Variants in ITSN1 observed in about 807,000 individuals in gnomAD.
ITSN1 encodes intersectin 1.
Under a neutral mutation model 239.8 loss-of-function variants are expected in ITSN1, and 58 were observed. The ratio of observed to expected loss-of-function variants is 0.24; its 90% CI spans 0.20 to 0.30. The LOEUF (loss-of-function observed/expected upper bound fraction) is 0.30, where lower values mean the gene tolerates loss of function less well. ITSN1 is among the 10% of genes least tolerant of loss of function. The pLI, the probability that ITSN1 is intolerant of heterozygous loss-of-function variation, is 1.00. For missense variants in ITSN1, 1,558 were observed against 2,103.3 expected (o/e 0.74, Z 5.07); for synonymous variants, 780 against 770.8 (o/e 1.01, Z -0.20).
In ITSN1 at chr21:33,818,468, A is replaced by G. The variant is rs539887450; in HGVS notation, c.2929A>G (p.Thr977Ala). ...KLISGPIRKS[T>A]SMDSGSSESP... The stretch of plus-strand genomic sequence containing the variant: ...CATTTCAGGGCCCATAAGGAAGTCT[A>G]CAAGGTATTTTTGTATTTATCTGCT... Residue 977 changes from threonine to alanine, a missense_variant, in exon 23 of 40, where the codon ACA becomes GCA. By Grantham distance (58) the Thr-to-Ala change is moderately conservative (BLOSUM62 0). Around this residue, in one of 2 missense-constraint regions of ITSN1, gnomAD observed 982 missense variants for 1,209.9 expected, o/e 0.81. Coordinates refer to ENST00000381318, the MANE Select transcript of ITSN1 (RefSeq NM_003024.3). 2.5e-6 allele frequency: 4 copies of G among 1,613,150 alleles called. No homozygotes were observed. In the South Asian group the frequency reaches 3.3e-5, roughly 13 times the overall value.
intron 25 of ITSN1, 98 bp from the exon 26 acceptor site, chr21:33,826,720 C>A: frequency 9.7e-7 from 1 of 1,032,804 alleles, no homozygotes; most frequent in Non-Finnish European, 1.5e-6. Flanking sequence ...AAAAGTGGGG[C>A]TTTGGGGCTC....
rs538356124 is a variant in ITSN1, at chr21:33,811,229, G to A, written c.2567+7G>A. The A allele has an allele frequency of 3.6e-5, 57 of 1,561,712 alleles. No individual in the cohort carries two copies. The African/African-American group carries it at 6.9e-4, about 19-fold the overall frequency. On this transcript the variant is annotated splice_region_variant and intron_variant, in intron 21 of 39. Transcript: ENST00000381318. ...GGGCCGACTTCAGCTCCACGTACGT[G>A]TTGGTGGGCTCTTTCTGATGATTTT...
intron 20 of ITSN1, 157 bp from the exon 21 acceptor site, chr21:33,810,818 T>C (rs1434113553): frequency 4.5e-6 from 4 of 883,010 alleles, no homozygotes; most frequent in Non-Finnish European, 7.7e-6. Context: ...GCATTACTGC[T>C]TAGACTCTTT....
At chr21:33,774,677 T>A (rs973864412) in intron 12 of ITSN1, 52 bp from the exon 13 acceptor site, 2 of 1,547,360 alleles carry the variant, frequency 1.3e-6, no homozygotes, top group African/African-American at 2.8e-5. Flanking sequence ...GAAAAGACAT[T>A]GTGTAGTGTA....
At chr21:33,840,516 TGG>T (rs2074786173) in intron 29 of ITSN1, among the ~76,000 whole-genome samples, 1 of 152,020 alleles carries the variant, frequency 6.6e-6, no homozygotes, top group Non-Finnish European at 1.5e-5. Context: ...GGCATGCACG[TGG>T]GTCTGGCTGC....
chr21:33,832,129 A>G (rs2074330006), intron 27 of ITSN1, among the ~76,000 whole-genome samples: 1 of 152,074 alleles, frequency 6.6e-6, no homozygotes, highest in East Asian at 1.9e-4. Context: ...TCTCCACTCC[A>G]GCCTCTTTGA....
intron 27 of ITSN1, 93 bp from the exon 28 acceptor site, chr21:33,834,214 A>G: frequency 1.2e-6 from 1 of 856,894 alleles, no homozygotes; most frequent in Non-Finnish European, 1.9e-6. Flanking sequence ...TTTCAGTTAT[A>G]TGTAAGCTTT....
At chr21:33,727,420 TG>T (rs2065892275) in intron 4 of ITSN1, among the ~76,000 whole-genome samples, 1 of 151,372 alleles carries the variant, frequency 6.6e-6, no homozygotes, top group South Asian at 2.1e-4. Context: ...TACCTGGAAA[TG>T]GGCCCTGAGA....
Position 33,865,139 on chromosome 21 carries a change from GTT to G in ITSN1, c.3891-10_3891-9del, listed in dbSNP as rs762967684. On this transcript the variant is annotated splice_polypyrimidine_tract_variant and intron_variant, in intron 31 of 39. Transcript: ENST00000381318. The surrounding 1 kb of genome is among the most constrained non-coding windows in gnomAD (Gnocchi z 4.4). ...TGAAAGCAGGGGGCTCACCTCCCGT[GTT>G]TCCGTGCAGAGCGCTGAGAGTCCGC... 1.6e-5 allele frequency: 25 copies of G among 1,607,240 alleles called. No homozygotes were observed. Among genetic ancestry groups the G allele is most frequent in the Non-Finnish European group, 2.1e-5 (25 of 1,175,674 alleles).
intron 1 of ITSN1, among the ~76,000 whole-genome samples, chr21:33,661,663 C>G (rs1464600736): frequency 6.6e-6 from 1 of 152,072 alleles, no homozygotes; most frequent in African/African-American, 2.4e-5. Context: ...CCCATAATTC[C>G]CATGCGTTAT....
intron 22 of ITSN1, among the ~76,000 whole-genome samples, chr21:33,815,630 A>G (rs890393657): frequency 1.8e-4 from 28 of 152,234 alleles, no homozygotes; most frequent in African/African-American, 6.8e-4. Flanking sequence ...AGCAAGAACC[A>G]GCCATGTTGC....
In ITSN1 at chr21:33,890,756, A is replaced by G. The variant is rs1986307959; in HGVS notation, c.*2456A>G. The G allele has an allele frequency of 6.6e-6, 1 of 152,134 alleles. No individual in the cohort carries two copies. Among genetic ancestry groups the G allele is most frequent in the Non-Finnish European group, 1.5e-5 (1 of 68,038 alleles). The allele number at this position is 152,134 out of a possible 1,614,324, so 9.4% of individuals were successfully genotyped here. Reference sequence around the variant, plus strand: ...ACCACCTGGGCTATATTTCATAGAAATTAAATGCTCCTTGCCAACAAGGAG... The same window carrying G: ...ACCACCTGGGCTATATTTCATAGAAGTTAAATGCTCCTTGCCAACAAGGAG... On this transcript the variant is annotated 3_prime_UTR_variant, in exon 40 of 40. Coordinates refer to ENST00000381318, the MANE Select transcript of ITSN1 (RefSeq NM_003024.3).
At chr21:33,818,538 C>G (rs1242305995) in intron 23 of ITSN1, 66 bp downstream of exon 23, 5 of 1,346,584 alleles carry the variant, frequency 3.7e-6, no homozygotes, top group Non-Finnish European at 5.3e-6. Flanking sequence ...ACTGTTTGCA[C>G]TAGTTAAGAT....
intron 1 of ITSN1, among the ~76,000 whole-genome samples, chr21:33,660,381 A>G (rs1163382195): frequency 6.6e-6 from 1 of 152,186 alleles, no homozygotes; most frequent in Non-Finnish European, 1.5e-5. Flanking sequence ...TTGTCTTATC[A>G]TTGTCTGCCA....
chr21:33,891,394 A>G lies in ITSN1; in HGVS notation c.*3094A>G, dbSNP rs921543768. On this transcript the variant is annotated 3_prime_UTR_variant, in exon 40 of 40. Transcript: ENST00000381318. ...TTGCTTTTTTTAAACAACCTAAAGTATGACCTAAGTGTATGAAACTAACTG... is the reference window on the plus strand; with the variant it reads ...TTGCTTTTTTTAAACAACCTAAAGTGTGACCTAAGTGTATGAAACTAACTG... The G allele has an allele frequency of 2.6e-5, 4 of 152,192 alleles. No homozygotes were observed. Among genetic ancestry groups the G allele is most frequent in the Non-Finnish European group, 5.9e-5 (4 of 68,038 alleles). The allele number at this position is 152,192 out of a possible 1,614,324, so 9.4% of individuals were successfully genotyped here. A position where few individuals can be genotyped will look rare whatever the true frequency, so the allele number is the denominator to read the frequency against.
chr21:33,797,747 C>T lies in ITSN1; in HGVS notation c.2182+139C>T, dbSNP rs1308427929. On this transcript the variant is annotated intron_variant, in intron 18 of 39. Coordinates refer to ENST00000381318, the MANE Select transcript of ITSN1 (RefSeq NM_003024.3). This position sits in a 1 kb window ranked among gnomAD's most constrained non-coding sequence, Gnocchi z 4.9. ...GTCAGTCTCTTATTTTGAGCATGGC[C>T]AGCTCTTCTTTCCCCAGGGTCATTT... 2 of 672,538 alleles carry T rather than the reference C, an allele frequency of 3.0e-6. No homozygotes were observed. The highest frequency in any genetic ancestry group is 3.6e-5 in the African/African-American group (2 of 54,912). The allele number at this position is 672,538 out of a possible 1,614,324, so 41.7% of individuals were successfully genotyped here.
chr21:33,877,908 T>C (rs964324128), intron 34 of ITSN1, among the ~76,000 whole-genome samples: 6 of 151,476 alleles, frequency 4.0e-5, no homozygotes, highest in Admixed American at 4.0e-4. Flanking sequence ...TTTTCTGTTT[T>C]TTTAAAGTTT....
At chr21:33,838,894 G>A (rs1234904264) in intron 29 of ITSN1, among the ~76,000 whole-genome samples, 1 of 152,188 alleles carries the variant, frequency 6.6e-6, no homozygotes, top group Non-Finnish European at 1.5e-5. Flanking sequence ...AATTATGTGG[G>A]TAAAGACAGA....
rs548656402 is a variant in ITSN1 at position 33,875,425 on chromosome 21, G to C, written c.4245G>C (p.Glu1415Asp). Reference sequence around the variant, plus strand: ...AGCACGCCCTGGAGAAGGCGGAAGAGCTCTGTTCCCAGGTGAACGAAGGGG... The same window carrying C: ...AGCACGCCCTGGAGAAGGCGGAAGACCTCTGTTCCCAGGTGAACGAAGGGG... ...HLKHALEKAE[E>D]LCSQVNEGVR... is the part of the protein sequence containing the mutation. Residue 1415 changes from glutamate to aspartate, a missense_variant, in exon 34 of 40, where the codon GAG becomes GAC. Physicochemically the swap from Glu to Asp is conservative, Grantham distance 45. Transcript: ENST00000381318. 6.2e-7 allele frequency: 1 copy of C among 1,614,180 alleles called. No individual in the cohort carries two copies. The highest frequency in any genetic ancestry group is 1.1e-5 in the South Asian group (1 of 91,086).
Sources: allele counts gnomAD v4.1 joint callset (sites outside exome capture counted in the v4.1 genomes callset), GRCh38; gene constraint gnomAD v4.1.1; regional missense constraint gnomAD v4.1.1; non-coding constraint Gnocchi (gnomAD v3.1); transcripts MANE v1.5; gene names NCBI Gene and HGNC (gene_info 2026-07-23, HGNC 2026-07-21).